PTN: variants seen among roughly 807,000 people sequenced by gnomAD.
PTN encodes the protein pleiotrophin.
PTN carries 18 observed loss-of-function variants against 24.1 expected under a neutral mutation model. The ratio of observed to expected loss-of-function variants is 0.75; its 90% CI spans 0.52 to 1.11. The LOEUF (loss-of-function observed/expected upper bound fraction) is 1.11, where lower values mean the gene tolerates loss of function less well. Among genes scored for constraint, PTN ranks in the 50% least tolerant of loss-of-function variants. The pLI is 0.00. For synonymous variants in PTN, 78 were observed against 68.6 expected (o/e 1.14, Z -0.67); for missense variants, 163 against 198.8 (o/e 0.82, Z 1.08).
intron 1 of PTN, among the ~76,000 whole-genome samples, chr7:137,262,064 T>C (rs1207776728): frequency 6.6e-6 from 1 of 152,218 alleles, no homozygotes; most frequent in Admixed American, 6.5e-5. Context: ...TTTCTATGAC[T>C]ATTCAGAATC....
At chr7:137,259,969 C>A (rs1809004921) in intron 1 of PTN, among the ~76,000 whole-genome samples, 1 of 152,074 alleles carries the variant, frequency 6.6e-6, no homozygotes, top group African/African-American at 2.4e-5. Context: ...ACTATTATGT[C>A]TCCCACTTTT....
chr7:137,293,877 G>A (rs1366841772), intron 1 of PTN, among the ~76,000 whole-genome samples: 1 of 152,012 alleles, frequency 6.6e-6, no homozygotes, highest in African/African-American at 2.4e-5. Flanking sequence ...CACCATTATA[G>A]CCTCATACAG....
intron 4 of PTN, among the ~76,000 whole-genome samples, chr7:137,236,397 T>C (rs764203354): frequency 1.2e-4 from 18 of 152,254 alleles, no homozygotes; most frequent in South Asian, 2.1e-4. Context: ...CATACATGTA[T>C]ACCAAGTAGA....
chr7:137,298,149 A>C (rs1192344477), intron 1 of PTN, among the ~76,000 whole-genome samples: 2 of 152,092 alleles, frequency 1.3e-5, no homozygotes, highest in Non-Finnish European at 2.9e-5. Flanking sequence ...ATTCTTAAGT[A>C]TAAAAACATT....
At chr7:137,336,430 T>G (rs13240024) in intron 1 of PTN, among the ~76,000 whole-genome samples, 16,917 of 152,100 alleles carry the variant, frequency 0.11, 1,178 homozygotes, top group Middle Eastern at 0.21. Context: ...AGCAATAAAG[T>G]GCCTGTCTCT....
chr7:137,339,568 CAAA>C (rs58934357), intron 1 of PTN, among the ~76,000 whole-genome samples: 10 of 123,784 alleles, frequency 8.1e-5, no homozygotes, highest in Non-Finnish European at 1.5e-4. Flanking sequence ...GGTCTTGAAT[CAAA>C]AAAAAAAAAA....
chr7:137,263,191 A>G (rs1217497535), intron 1 of PTN, among the ~76,000 whole-genome samples: 1 of 152,184 alleles, frequency 6.6e-6, no homozygotes, highest in Non-Finnish European at 1.5e-5. Flanking sequence ...GGGAGCAGTA[A>G]GCAGGTTCCT....
chr7:137,258,491 CTTCT>C (rs1376117086), intron 1 of PTN, among the ~76,000 whole-genome samples: 1 of 152,132 alleles, frequency 6.6e-6, no homozygotes, highest in Non-Finnish European at 1.5e-5. Context: ...TCTCCCCTTC[CTTCT>C]ATTTTGTTCA....
intron 4 of PTN, among the ~76,000 whole-genome samples, chr7:137,241,090 C>T (rs1402434157): frequency 2.0e-5 from 3 of 152,090 alleles, no homozygotes; most frequent in Non-Finnish European, 2.9e-5. Context: ...GGAGAGACAG[C>T]GAGAGCAAGG....
chr7:137,303,400 C>A (rs967394782), intron 1 of PTN, among the ~76,000 whole-genome samples: 5 of 151,964 alleles, frequency 3.3e-5, no homozygotes, highest in Admixed American at 3.3e-4. Flanking sequence ...TTCCCACAGA[C>A]AAAACTAGAA....
intron 1 of PTN, among the ~76,000 whole-genome samples, chr7:137,303,895 A>G (rs1329794677): frequency 6.6e-6 from 1 of 152,046 alleles, no homozygotes; most frequent in African/African-American, 2.4e-5. Flanking sequence ...AAGAAGTGAC[A>G]ATAAATTGCA....
At chr7:137,271,797 A>C (rs926600523) in intron 1 of PTN, among the ~76,000 whole-genome samples, 5 of 152,272 alleles carry the variant, frequency 3.3e-5, no homozygotes, top group Non-Finnish European at 7.4e-5. Context: ...GAGAATCACA[A>C]CTCTGGCTAG....
rs534741396 is a variant in PTN at position 137,317,577 on chromosome 7, A to C, written c.-2+25862T>G. On this transcript the variant is annotated intron_variant, in intron 1 of 4. Transcript: ENST00000348225. The stretch of plus-strand genomic sequence containing the variant: ...TTTACTGAGTTCCTTTTCATCCCAG[A>C]AACTGTAAAATGTTCTCATCCTACA... Among the ~76,000 whole-genome samples, 139 of 152,272 alleles carry C rather than the reference A, an allele frequency of 9.1e-4. 2 individuals carry two copies. The South Asian group carries it at 0.026, about 29-fold the overall frequency.
chr7:137,235,075 T>C (rs374530890), intron 4 of PTN, among the ~76,000 whole-genome samples: 8 of 151,986 alleles, frequency 5.3e-5, no homozygotes, highest in South Asian at 2.1e-4. Flanking sequence ...AGGCATACCA[T>C]CAAGACCACT....
At chr7:137,262,581 TGG>T (rs2128872837) in intron 1 of PTN, among the ~76,000 whole-genome samples, 1 of 151,680 alleles carries the variant, frequency 6.6e-6, no homozygotes, top group East Asian at 2.0e-4. Context: ...TTTAATCAGC[TGG>T]GAGCATCAGC....
chr7:137,285,653 G>C (rs948748632), intron 1 of PTN, among the ~76,000 whole-genome samples: 1 of 152,280 alleles, frequency 6.6e-6, no homozygotes, highest in Admixed American at 6.5e-5. Context: ...CTAGGCAACA[G>C]AGTGAGACTC....
At chr7:137,245,510 TA>T in intron 4 of PTN, among the ~76,000 whole-genome samples, 1 of 152,344 alleles carries the variant, frequency 6.6e-6, no homozygotes, top group African/African-American at 2.4e-5. Flanking sequence ...TGTATAGTCA[TA>T]ATACTTGAGA....
At chr7:137,316,845 G>A (rs963466091) in intron 1 of PTN, among the ~76,000 whole-genome samples, 1 of 152,168 alleles carries the variant, frequency 6.6e-6, no homozygotes, top group African/African-American at 2.4e-5. Context: ...TAACCCAGGT[G>A]TTTGACCGTC....
chr7:137,294,707 T>A (rs1809691875), intron 1 of PTN, among the ~76,000 whole-genome samples: 1 of 152,114 alleles, frequency 6.6e-6, no homozygotes, highest in African/African-American at 2.4e-5. Flanking sequence ...TAGCTACGTA[T>A]CCTTGTGGCA....
Sources: allele counts gnomAD v4.1 joint callset (sites outside exome capture counted in the v4.1 genomes callset), GRCh38; gene constraint gnomAD v4.1.1; transcripts MANE v1.5; gene names NCBI Gene and HGNC (gene_info 2026-07-23, HGNC 2026-07-21).